C4orf51: variants seen among roughly 807,000 people sequenced by gnomAD.
C4orf51 encodes the protein chromosome 4 open reading frame 51.
A neutral mutation model predicts 25.2 loss-of-function variants in C4orf51; 25 were observed. The observed-to-expected ratio is 0.99, with a 90% confidence interval of 0.72 to 1.39. C4orf51 has a LOEUF of 1.39. Among genes scored for constraint, C4orf51 ranks in the 40% most tolerant of loss-of-function variants. The pLI, the probability that C4orf51 is intolerant of heterozygous loss-of-function variation, is 0.00. For synonymous variants in C4orf51, 100 were observed against 84.5 expected (o/e 1.18, Z -1.01); for missense variants, 252 against 239.6 (o/e 1.05, Z -0.34).
At chr4:145,742,801 A>G (rs1733174409) in intron 1 of C4orf51, among the ~76,000 whole-genome samples, 2 of 152,102 alleles carry the variant, frequency 1.3e-5, no homozygotes, top group Admixed American at 6.5e-5. Context: ...CGGCCTCCCA[A>G]AGTGCTGGGA....
chr4:145,773,819 C>A (rs1166271136), downstream of C4orf51, among the ~76,000 whole-genome samples: 1 of 152,134 alleles, frequency 6.6e-6, no homozygotes, highest in African/African-American at 2.4e-5. Context: ...TTAAGGAGAG[C>A]GTCAGGGCTG....
downstream of C4orf51, among the ~76,000 whole-genome samples, chr4:145,772,818 C>T (rs2126926359): frequency 6.6e-6 from 1 of 152,336 alleles, no homozygotes; most frequent in Middle Eastern, 3.4e-3. Flanking sequence ...ATATTCTTTC[C>T]TGCTAGACAA....
downstream of C4orf51, chr4:145,775,854 G>T (rs142722064): frequency 1.9e-6 from 3 of 1,613,996 alleles, no homozygotes; most frequent in East Asian, 6.7e-5. Flanking sequence ...CAATGTCCTC[G>T]GTGTCTGTAC....
chr4:145,766,534 C>T (rs1735323215), intron 1 of C4orf51, among the ~76,000 whole-genome samples: 1 of 152,186 alleles, frequency 6.6e-6, no homozygotes, highest in Non-Finnish European at 1.5e-5. Flanking sequence ...CAGGTGGAAC[C>T]TGACAGACTC....
At chr4:145,721,097 A>G (rs1487578606) in intron 2 of C4orf51, among the ~76,000 whole-genome samples, 1 of 152,182 alleles carries the variant, frequency 6.6e-6, no homozygotes, top group East Asian at 1.9e-4. Flanking sequence ...CTGTAATTCC[A>G]GCACTTTGGG....
intron 3 of C4orf51, among the ~76,000 whole-genome samples, chr4:145,728,893 T>A (rs1241041237): frequency 1.3e-5 from 2 of 152,154 alleles, no homozygotes; most frequent in African/African-American, 4.8e-5. Flanking sequence ...TATTGTTTGT[T>A]ATTACAGTGG....
At chr4:145,779,280 T>C in the C4orf51 span, 1 of 1,470,308 alleles carries the variant, frequency 6.8e-7, no homozygotes, top group East Asian at 2.4e-5. Context: ...CAGCACTTCC[T>C]GTAATGCCTC....
intron 1 of C4orf51, among the ~76,000 whole-genome samples, chr4:145,687,200 A>G (rs953409508): frequency 6.6e-6 from 1 of 152,192 alleles, no homozygotes; most frequent in African/African-American, 2.4e-5. Context: ...CAGAAACTCA[A>G]AAGAATGCAA....
At chr4:145,774,255 G>A (rs576885077), downstream of C4orf51, among the ~76,000 whole-genome samples, 1 of 152,294 alleles carries the variant, frequency 6.6e-6, no homozygotes, top group African/African-American at 2.4e-5. Context: ...TGAGCAACAA[G>A]CAAAGAGCTC....
chr4:145,691,446 A>G (rs1729554444), intron 1 of C4orf51, among the ~76,000 whole-genome samples: 1 of 152,210 alleles, frequency 6.6e-6, no homozygotes, highest in South Asian at 2.1e-4. Flanking sequence ...TACTGGGTAT[A>G]TATCCGAAGG....
chr4:145,767,949 C>A (rs1735569713), intron 1 of C4orf51, among the ~76,000 whole-genome samples: 1 of 152,064 alleles, frequency 6.6e-6, no homozygotes. Context: ...TGGATAAATT[C>A]ATAATTTTTA....
At chr4:145,736,391 A>C (rs1287280247), downstream of C4orf51, among the ~76,000 whole-genome samples, 1 of 151,972 alleles carries the variant, frequency 6.6e-6, no homozygotes. Context: ...CAGATCTGTC[A>C]CCATGCACCC....
At chr4:145,682,765 A>C (rs1014705611) in intron 1 of C4orf51, among the ~76,000 whole-genome samples, 3 of 152,152 alleles carry the variant, frequency 2.0e-5, no homozygotes, top group Non-Finnish European at 4.4e-5. Context: ...TACAGACCTT[A>C]AGCTATTATG....
At chr4:145,748,446 C>G (rs1231236298) in intron 1 of C4orf51, among the ~76,000 whole-genome samples, 1 of 151,878 alleles carries the variant, frequency 6.6e-6, no homozygotes, top group African/African-American at 2.4e-5. Context: ...TTAGTTTGCT[C>G]TTGCTTTTGT....
At chr4:145,791,360 G>A in the C4orf51 span, among the ~76,000 whole-genome samples, 1 of 152,132 alleles carries the variant, frequency 6.6e-6, no homozygotes, top group Non-Finnish European at 1.5e-5. Flanking sequence ...CTTCCCAAAG[G>A]CTCCATCTTC....
chr4:145,746,587 C>G (rs777134548), intron 1 of C4orf51, among the ~76,000 whole-genome samples: 15 of 152,074 alleles, frequency 9.9e-5, no homozygotes, highest in Non-Finnish European at 1.3e-4. Flanking sequence ...TGTTTTTATG[C>G]CAGTACCATG....
At chr4:145,708,256 C>T (rs1730940800) in intron 2 of C4orf51, among the ~76,000 whole-genome samples, 3 of 152,224 alleles carry the variant, frequency 2.0e-5, no homozygotes, top group South Asian at 4.1e-4. Context: ...CTGAGGACCT[C>T]CTGCACAGTG....
chr4:145,754,630 C>G (rs977209401), downstream of C4orf51, among the ~76,000 whole-genome samples: 1 of 152,224 alleles, frequency 6.6e-6, no homozygotes, highest in Non-Finnish European at 1.5e-5. Flanking sequence ...AGAGTTAGCT[C>G]TAACCAGACA....
chr4:145,713,839 G>A (rs867031702), intron 2 of C4orf51, among the ~76,000 whole-genome samples: 2 of 152,092 alleles, frequency 1.3e-5, no homozygotes, highest in Admixed American at 6.5e-5. Flanking sequence ...CTGGAGTGCA[G>A]TGATGCAATC....
Sources: gnomAD v4.1 joint callset for allele counts (sites outside exome capture counted in the v4.1 genomes callset) on GRCh38, gnomAD v4.1.1 for gene constraint, MANE v1.5 for transcripts, NCBI Gene and HGNC (gene_info 2026-07-23, HGNC 2026-07-21) for gene names.